TRMT44: variants seen among roughly 807,000 people sequenced by gnomAD.
TRMT44 encodes tRNA methyltransferase 44 homolog, also known as probable tRNA (uracil-O(2)-)-methyltransferase.
TRMT44 carries 78 observed loss-of-function variants against 77.3 expected under a neutral mutation model. That is an observed-to-expected ratio of 1.01 (90% CI 0.84 to 1.22). The LOEUF (loss-of-function observed/expected upper bound fraction) is 1.22, where lower values mean the gene tolerates loss of function less well. TRMT44 is among the 50% of genes most tolerant of loss of function. The pLI, the probability that TRMT44 is intolerant of heterozygous loss-of-function variation, is 0.00. For synonymous variants in TRMT44, 391 were observed against 383.3 expected, an observed-to-expected ratio of 1.02 and a Z score of -0.23; for missense variants, 1,090 against 964.4, an observed-to-expected ratio of 1.13 and a Z score of -1.73.
At chr4:8,466,945 C>T (rs901387044) in intron 8 of TRMT44, among the ~76,000 whole-genome samples, 6 of 152,172 alleles carry the variant, frequency 3.9e-5, no homozygotes, top group Non-Finnish European at 7.3e-5. Context: ...GTGGCTGTCA[C>T]GTAGTGAGGA....
At chr4:8,470,730 G>A (rs1416633520) in intron 9 of TRMT44, among the ~76,000 whole-genome samples, 1 of 152,184 alleles carries the variant, frequency 6.6e-6, no homozygotes, top group Non-Finnish European at 1.5e-5. Context: ...TCCTTCTTTA[G>A]TCTGAGAAAC....
chr4:8,505,509 A>G, the TRMT44 span, among the ~76,000 whole-genome samples: 1 of 152,184 alleles, frequency 6.6e-6, no homozygotes, highest in African/African-American at 2.4e-5. Flanking sequence ...GGCCCTGGAC[A>G]GGCAGCCGGT....
rs1233298522 is a variant in TRMT44 at position 8,452,233 on chromosome 4, G to A, written c.1023+205G>A. Among the ~76,000 whole-genome samples the A allele has an allele frequency of 6.6e-6, 1 of 152,152 alleles. No homozygotes were observed. Among genetic ancestry groups the A allele is most frequent in the South Asian group, 2.1e-4 (1 of 4,824 alleles). On this transcript the variant is annotated intron_variant, in intron 4 of 10. Transcript: ENST00000389737. The surrounding 1 kb of genome is among the most constrained non-coding windows in gnomAD (Gnocchi z 5.7). Reference sequence around the variant, plus strand: ...CAAGTTTGGGTTGAAACTTGACCTCGGGTTCCAACTTGACCTGCAGGCGGA... The same window carrying A: ...CAAGTTTGGGTTGAAACTTGACCTCAGGTTCCAACTTGACCTGCAGGCGGA...
At chr4:8,486,155 G>T (rs1727796576) in intron 2 of TRMT44, among the ~76,000 whole-genome samples, 1 of 152,180 alleles carries the variant, frequency 6.6e-6, no homozygotes, top group Non-Finnish European at 1.5e-5. Flanking sequence ...GTTTCCAGTG[G>T]GGTCCCGCAC....
At chr4:8,498,074 A>G (rs1728201476), downstream of TRMT44, among the ~76,000 whole-genome samples, 2 of 152,204 alleles carry the variant, frequency 1.3e-5, no homozygotes, top group East Asian at 3.9e-4. The surrounding 1 kb of genome is among the most constrained non-coding windows in gnomAD (Gnocchi z 4.3). Flanking sequence ...ACTCAGTGGA[A>G]GACGTCAGGA....
chr4:8,476,188 C>T lies in TRMT44; in HGVS notation c.*187C>T, dbSNP rs180930535. On this transcript the variant is annotated 3_prime_UTR_variant, in exon 11 of 11. Coordinates refer to ENST00000389737, the MANE Select transcript of TRMT44 (RefSeq NM_152544.3). ...ACACGCCAGAGAAGCCACAGTTACT[C>T]GGAAGCCCCCAGCTGACTGCCTGGC... The T allele has an allele frequency of 6.1e-4, 376 of 619,782 alleles. 1 individual carries two copies. The highest frequency in any genetic ancestry group is 6.0e-3 in the African/African-American group (327 of 54,368). 38.4% of individuals were successfully genotyped at this position (619,782 alleles called of 1,614,324 possible).
At position 8,452,781 on chromosome 4, in the gene TRMT44, T is replaced by C; in HGVS notation, c.1024-101T>C. The C allele has an allele frequency of 1.6e-6, 1 of 624,074 alleles. No individual in the cohort carries two copies. Among genetic ancestry groups the C allele is most frequent in the East Asian group, 3.1e-5 (1 of 31,940 alleles). The allele number at this position is 624,074 out of a possible 1,614,324, so 38.7% of individuals were successfully genotyped here. Reference sequence around the variant, plus strand: ...AATGTTTAGTGTAGATGATTTCAAGTTTCCTTTCACTCAGAGTTTTCTTTG... The same window carrying C: ...AATGTTTAGTGTAGATGATTTCAAGCTTCCTTTCACTCAGAGTTTTCTTTG... On this transcript the variant is annotated intron_variant, in intron 4 of 10. Coordinates refer to ENST00000389737, the MANE Select transcript of TRMT44 (RefSeq NM_152544.3). The surrounding 1 kb of genome is among the most constrained non-coding windows in gnomAD (Gnocchi z 5.7).
intron 8 of TRMT44, among the ~76,000 whole-genome samples, chr4:8,466,210 A>G (rs1178251405): frequency 1.3e-5 from 2 of 152,240 alleles, no homozygotes; most frequent in South Asian, 2.1e-4. Context: ...GTGTGCTTTT[A>G]AAAAATAACC....
In TRMT44 at chr4:8,444,094, ATTACT is replaced by A. The variant is rs1349271237; in HGVS notation, c.620-2380_620-2376del. Among the ~76,000 whole-genome samples, 2 of 152,208 alleles carry A rather than the reference ATTACT, an allele frequency of 1.3e-5. No individual in the cohort carries two copies. The highest frequency in any genetic ancestry group is 2.9e-5 in the Non-Finnish European group (2 of 68,038). On this transcript the variant is annotated intron_variant, in intron 1 of 10. Coordinates refer to ENST00000389737, the MANE Select transcript of TRMT44 (RefSeq NM_152544.3). This position sits in a 1 kb window ranked among gnomAD's most constrained non-coding sequence, Gnocchi z 4.0. The stretch of plus-strand genomic sequence containing the variant: ...TTGAGGCTATGTGGATTTGAGACAG[ATTACT>A]TAATCTGTTGAACGCCTGGTTTTCT...
Position 8,446,849 on chromosome 4 carries a change from G to A in TRMT44, c.734+259G>A, listed in dbSNP as rs770390501. On this transcript the variant is annotated intron_variant, in intron 2 of 10. Transcript: ENST00000389737. The surrounding 1 kb of genome is among the most constrained non-coding windows in gnomAD (Gnocchi z 4.3). ...TGGCTGTGATGATCAGCAGCCCTTA[G>A]CATTAGCTCTGAAGTCAAACTCAAA... Among the ~76,000 whole-genome samples the A allele has an allele frequency of 1.3e-5, 2 of 152,132 alleles. No individual in the cohort carries two copies. Among genetic ancestry groups the A allele is most frequent in the Admixed American group, 1.3e-4 (2 of 15,268 alleles).
At chr4:8,467,261 C>T (rs1183956933) in intron 8 of TRMT44, among the ~76,000 whole-genome samples, 2 of 152,158 alleles carry the variant, frequency 1.3e-5, no homozygotes, top group African/African-American at 4.8e-5. Flanking sequence ...AGCATGTGCC[C>T]CCGCCGGGCG....
chr4:8,516,607 C>A, the TRMT44 span, among the ~76,000 whole-genome samples: 13 of 152,138 alleles, frequency 8.5e-5, no homozygotes, highest in Non-Finnish European at 1.9e-4. Context: ...TAGTGAGACT[C>A]CATTTCTACC....
intron 1 of TRMT44, among the ~76,000 whole-genome samples, chr4:8,442,920 G>C (rs1724841917): frequency 6.6e-6 from 1 of 152,190 alleles, no homozygotes; most frequent in Non-Finnish European, 1.5e-5. Flanking sequence ...GGATAATCCA[G>C]AGTACTCTTC....
the TRMT44 span, among the ~76,000 whole-genome samples, chr4:8,511,607 T>C: frequency 1.3e-5 from 2 of 152,212 alleles, no homozygotes; most frequent in African/African-American, 4.8e-5. Flanking sequence ...TAACATCTAA[T>C]TGAATCCCTA....
At chr4:8,489,447 G>A (rs1320281541) in intron 2 of TRMT44, among the ~76,000 whole-genome samples, 3 of 147,174 alleles carry the variant, frequency 2.0e-5, no homozygotes, top group African/African-American at 7.5e-5. Flanking sequence ...AAGACAGGCT[G>A]TAGTTTTGTT....
In TRMT44 at chr4:8,446,193, A is replaced by G. The variant is rs1287697085; in HGVS notation, c.620-283A>G. Reference sequence around the variant, plus strand: ...CTGTTTTCTCTGATTGTAGCTCTCAAGTTCCAATAGAGTCCACATTGGCTG... The same window carrying G: ...CTGTTTTCTCTGATTGTAGCTCTCAGGTTCCAATAGAGTCCACATTGGCTG... On this transcript the variant is annotated intron_variant, in intron 1 of 10. Transcript: ENST00000389737. This position sits in a 1 kb window ranked among gnomAD's most constrained non-coding sequence, Gnocchi z 4.3. Among the ~76,000 whole-genome samples, 1 of 152,158 alleles carries G rather than the reference A, an allele frequency of 6.6e-6. No homozygotes were observed. The highest frequency in any genetic ancestry group is 6.6e-5 in the Admixed American group (1 of 15,264).
the TRMT44 span, among the ~76,000 whole-genome samples, chr4:8,499,488 C>G: frequency 6.7e-6 from 1 of 149,042 alleles, no homozygotes; most frequent in Non-Finnish European, 1.5e-5. Context: ...ATTTTGGTTT[C>G]GTCTCTATTC....
At chr4:8,459,591 T>C (rs958660569) in intron 6 of TRMT44, among the ~76,000 whole-genome samples, 3 of 152,220 alleles carry the variant, frequency 2.0e-5, no homozygotes, top group Admixed American at 2.0e-4. Context: ...AAAAATATTT[T>C]TCCTACCTGG....
At chr4:8,465,229 T>G in intron 7 of TRMT44, 149 bp from the exon 8 acceptor site, 2 of 736,138 alleles carry the variant, frequency 2.7e-6, no homozygotes, top group Non-Finnish European at 2.3e-6. Flanking sequence ...AAAGTGGACA[T>G]TATATGCAAC....
Sources: allele counts gnomAD v4.1 joint callset (sites outside exome capture counted in the v4.1 genomes callset), GRCh38; gene constraint gnomAD v4.1.1; non-coding constraint Gnocchi (gnomAD v3.1); transcripts MANE v1.5; gene names NCBI Gene and HGNC (gene_info 2026-07-23, HGNC 2026-07-21).